Variants in GEMIN2 observed in about 807,000 individuals in gnomAD.
GEMIN2 encodes gem nuclear organelle associated protein 2, also known as gem-associated protein 2.
GEMIN2 carries 37 observed loss-of-function variants against 45.8 expected under a neutral mutation model. The observed-to-expected ratio is 0.81, with a 90% CI of 0.62 to 1.06. The LOEUF (loss-of-function observed/expected upper bound fraction) is 1.06, where lower values mean the gene tolerates loss of function less well. Ranked by LOEUF, GEMIN2 falls within the 50% of genes least tolerant of loss-of-function variation. The probability of loss-of-function intolerance (pLI) is 0.00; values close to 1 mark genes in which losing one functional copy is unlikely to be tolerated. For synonymous variants in GEMIN2, 101 were observed against 111.5 expected (o/e 0.91, Z 0.60); for missense variants, 335 against 321.8 (o/e 1.04, Z -0.31).
At chr14:39,116,706 G>T (rs2052512543) in intron 2 of GEMIN2, among the ~76,000 whole-genome samples, 1 of 151,990 alleles carries the variant, frequency 6.6e-6, no homozygotes, top group Non-Finnish European at 1.5e-5. Flanking sequence ...TTAGTTGATG[G>T]ACATTTAATG....
intron 9 of GEMIN2, among the ~76,000 whole-genome samples, chr14:39,135,604 GA>G (rs928233078): frequency 2.8e-5 from 4 of 144,946 alleles, no homozygotes; most frequent in East Asian, 2.0e-4. Context: ...AAAGAAAAAA[GA>G]AAAAAAAAAG....
At chr14:39,115,425 T>G (rs2139329133) in intron 2 of GEMIN2, among the ~76,000 whole-genome samples, 1 of 152,204 alleles carries the variant, frequency 6.6e-6, no homozygotes, top group Non-Finnish European at 1.5e-5. Flanking sequence ...AGTTTCACTT[T>G]TTTTAAGAAT....
chr14:39,134,123 C>T (rs1324740887), intron 9 of GEMIN2: 1 of 153,458 alleles, frequency 6.5e-6, no homozygotes, highest in Non-Finnish European at 1.5e-5. Context: ...TTGCCTGTGT[C>T]CTGCGTTCAT....
intron 5 of GEMIN2, among the ~76,000 whole-genome samples, chr14:39,124,645 C>A (rs1057057485): frequency 6.6e-6 from 1 of 151,906 alleles, no homozygotes; most frequent in Non-Finnish European, 1.5e-5. Flanking sequence ...TGTTGACATG[C>A]ACCTGTGGTC....
chr14:39,126,607 A>G (rs2139347447), intron 6 of GEMIN2, among the ~76,000 whole-genome samples: 1 of 152,330 alleles, frequency 6.6e-6, no homozygotes, highest in South Asian at 2.1e-4. Context: ...TGTTGTAACC[A>G]TCAACTGTAT....
At chr14:39,131,800 C>T in intron 7 of GEMIN2, 158 bp from the exon 8 acceptor site, 1 of 543,206 alleles carries the variant, frequency 1.8e-6, no homozygotes, top group South Asian at 2.6e-5. Flanking sequence ...ACACCTGGCT[C>T]TCCAAATGAG....
chr14:39,126,434 C>G (rs1412639121), intron 6 of GEMIN2, among the ~76,000 whole-genome samples: 1 of 152,188 alleles, frequency 6.6e-6, no homozygotes, highest in Non-Finnish European at 1.5e-5. Flanking sequence ...CCCACCTCAG[C>G]CTCCCAAAGT....
intron 8 of GEMIN2, among the ~76,000 whole-genome samples, chr14:39,132,301 C>T (rs536926068): frequency 3.9e-5 from 6 of 152,206 alleles, no homozygotes; most frequent in East Asian, 3.9e-4. Flanking sequence ...GAGGCTGAGG[C>T]GGGTGGCTCA....
chr14:39,126,450 G>A (rs1335967139), intron 6 of GEMIN2, among the ~76,000 whole-genome samples: 5 of 152,278 alleles, frequency 3.3e-5, no homozygotes, highest in Admixed American at 2.0e-4. Flanking sequence ...AAAGTGCTGG[G>A]AATACAGGTG....
At chr14:39,131,908 C>T (rs754997533) in intron 7 of GEMIN2, 50 bp from the exon 8 acceptor site, 2 of 859,486 alleles carry the variant, frequency 2.3e-6, no homozygotes, top group South Asian at 1.4e-5. Flanking sequence ...AAAAAATAAA[C>T]TTCTGGTTCA....
chr14:39,122,278 AC>A (rs2052582506), intron 4 of GEMIN2, 151 bp from the exon 5 acceptor site: 2 of 588,424 alleles, frequency 3.4e-6, no homozygotes, highest in African/African-American at 3.8e-5. Flanking sequence ...GTTTTAACAT[AC>A]AAATTTGGGG....
intron 7 of GEMIN2, among the ~76,000 whole-genome samples, chr14:39,130,517 A>C (rs2052703160): frequency 6.6e-6 from 1 of 152,128 alleles, no homozygotes; most frequent in Non-Finnish European, 1.5e-5. Flanking sequence ...AACTTTCCCC[A>C]TGTTGTTAAA....
chr14:39,122,994 C>T (rs2052592946), intron 5 of GEMIN2, among the ~76,000 whole-genome samples: 1 of 152,046 alleles, frequency 6.6e-6, no homozygotes, highest in Non-Finnish European at 1.5e-5. Context: ...AAATGGAAAT[C>T]GACACAATTA....
chr14:39,133,022 G>T (rs2052738995), intron 8 of GEMIN2, among the ~76,000 whole-genome samples: 1 of 130,210 alleles, frequency 7.7e-6, no homozygotes, highest in African/African-American at 3.2e-5. Context: ...GTGTGTGTGT[G>T]TGTGTATATA....
intron 5 of GEMIN2, among the ~76,000 whole-genome samples, chr14:39,123,708 ATTTTTTTTT>A (rs1162485883): frequency 1.9e-4 from 7 of 37,690 alleles, no homozygotes; most frequent in Non-Finnish European, 3.0e-4. Flanking sequence ...ATATATATAT[ATTTTTTTTT>A]TTTTTTTTTT....
At chr14:39,122,887 T>C (rs2052591065) in intron 5 of GEMIN2, among the ~76,000 whole-genome samples, 1 of 152,198 alleles carries the variant, frequency 6.6e-6, no homozygotes, top group African/African-American at 2.4e-5. Flanking sequence ...ATATCCCTTA[T>C]GTTTGGCTTG....
intron 6 of GEMIN2, among the ~76,000 whole-genome samples, chr14:39,125,998 C>T (rs1157523881): frequency 2.7e-5 from 4 of 147,262 alleles, no homozygotes; most frequent in African/African-American, 5.0e-5. Context: ...CCAGCCTGGG[C>T]GACAGGGCGA....
chr14:39,136,345 T>G (rs2052781035), intron 9 of GEMIN2, 95 bp from the exon 10 acceptor site: 4 of 707,152 alleles, frequency 5.7e-6, no homozygotes. Context: ...AGTTTCTTAT[T>G]GATGGACGTT....
At chr14:39,133,836 A>G (rs985343773) in intron 9 of GEMIN2, 117 bp downstream of exon 9, 9 of 569,364 alleles carry the variant, frequency 1.6e-5, no homozygotes, top group Non-Finnish European at 2.4e-5. Context: ...CTCTGTTGCT[A>G]TAGTTAGGGT....
Sources: gnomAD v4.1 joint callset for allele counts (sites outside exome capture counted in the v4.1 genomes callset) on GRCh38, gnomAD v4.1.1 for gene constraint, MANE v1.5 for transcripts, NCBI Gene and HGNC (gene_info 2026-07-23, HGNC 2026-07-21) for gene names.